SAMHD1: variants seen among roughly 807,000 people sequenced by gnomAD.
SAMHD1 encodes deoxynucleoside triphosphate triphosphohydrolase SAMHD1.
SAMHD1 carries 54 observed loss-of-function variants against 79.6 expected under a neutral mutation model. The observed-to-expected ratio is 0.68, with a 90% CI of 0.55 to 0.85. The LOEUF (loss-of-function observed/expected upper bound fraction) is 0.85, where lower values mean the gene tolerates loss of function less well. Ranked by LOEUF, SAMHD1 falls within the 40% of genes least tolerant of loss-of-function variation. SAMHD1 has a pLI of 0.00. For missense variants in SAMHD1, 663 were observed against 782.7 expected, an observed-to-expected ratio of 0.85 and a Z score of 1.82; for synonymous variants, 260 against 264.1, an observed-to-expected ratio of 0.98 and a Z score of 0.15.
At chr20:36,949,755 C>CAAAAA (rs34682795) in intron 1 of SAMHD1, among the ~76,000 whole-genome samples, 6 of 69,818 alleles carry the variant, frequency 8.6e-5, no homozygotes, top group Admixed American at 1.9e-4. Context: ...GACTCTGTCT[C>CAAAAA]AAAAAAAAAA....
chr20:36,942,723 T>C (rs944939698), intron 2 of SAMHD1, among the ~76,000 whole-genome samples: 2 of 151,996 alleles, frequency 1.3e-5, no homozygotes, highest in African/African-American at 4.8e-5. Context: ...CTCGGCTCAC[T>C]GCAAGCTCCA....
rs774247016 is a variant in SAMHD1 at position 36,951,491 on chromosome 20, G to A, written c.153C>T (p.Cys51=). ...CAAAGCCACCGCGCCTGAGGAAGGA[G>A]CACACCTGCTCCGGACCCCATGTCT... ...DYKTWGPEQV[C]SFLRRGGFEE... The change falls in exon 1 of 16, where the codon TGC becomes TGT. Residue 51 remains cysteine, a synonymous_variant. Coordinates refer to ENST00000646673, the MANE Select transcript of SAMHD1 (RefSeq NM_015474.4). The A allele has an allele frequency of 5.0e-6, 8 of 1,614,154 alleles. No homozygotes were observed. In the South Asian group the frequency reaches 8.8e-5, roughly 18 times the overall value.
At chr20:36,904,335 C>T (rs1304645688) in intron 12 of SAMHD1, 86 bp from the exon 13 acceptor site, 4 of 890,400 alleles carry the variant, frequency 4.5e-6, no homozygotes, top group Admixed American at 1.7e-5. Flanking sequence ...GAAAATGGCA[C>T]CTAACTAAGA....
chr20:36,931,188 G>C, intron 4 of SAMHD1: 1 of 383,122 alleles, frequency 2.6e-6, no homozygotes, highest in Non-Finnish European at 5.0e-6. Context: ...ATGATGTGAA[G>C]AAGTTGGAAG....
intron 4 of SAMHD1, among the ~76,000 whole-genome samples, chr20:36,932,454 GTTT>G (rs752535431): frequency 3.2e-5 from 3 of 93,282 alleles, no homozygotes; most frequent in Admixed American, 1.4e-4. Flanking sequence ...ACAGTTTCGT[GTTT>G]TTTTTTTTTT....
At chr20:36,918,099 C>G (rs1021779710) in intron 7 of SAMHD1, among the ~76,000 whole-genome samples, 1 of 151,630 alleles carries the variant, frequency 6.6e-6, no homozygotes, top group Non-Finnish European at 1.5e-5. Context: ...ATCACTGCAG[C>G]CTGCCTCAGC....
intron 2 of SAMHD1, 74 bp downstream of exon 2, chr20:36,946,664 G>T (rs970268930): frequency 9.0e-7 from 1 of 1,113,444 alleles, no homozygotes; most frequent in Non-Finnish European, 1.3e-6. Flanking sequence ...TTATATCAGA[G>T]ATTTTGGGCT....
At chr20:36,901,851 CAT>C (rs1990312493) in intron 13 of SAMHD1, among the ~76,000 whole-genome samples, 1 of 152,316 alleles carries the variant, frequency 6.6e-6, no homozygotes, top group Admixed American at 6.5e-5. Context: ...TGGAAAGGGA[CAT>C]CACTGACCAA....
At chr20:36,905,694 G>C (rs2063400857) in intron 11 of SAMHD1, among the ~76,000 whole-genome samples, 191 bp from the exon 12 acceptor site, 1 of 152,194 alleles carries the variant, frequency 6.6e-6, no homozygotes. Context: ...CAGTCGGCCA[G>C]TCATAGTGGC....
rs1216292694 is a variant in SAMHD1, at chr20:36,925,155, CA to C, written c.696+2026del. On this transcript the variant is annotated intron_variant, in intron 6 of 15. Coordinates refer to ENST00000646673, the MANE Select transcript of SAMHD1 (RefSeq NM_015474.4). ...TGGGCAACAGAGTGAGACTCCATCT[CA>C]AAAAAAAAAAAAAAGAAAAAAAAAG... is the stretch of plus-strand genomic sequence containing the variant. Among the ~76,000 whole-genome samples, 194 of 66,126 alleles carry C rather than the reference CA, an allele frequency of 2.9e-3. 1 individual carries two copies. Among genetic ancestry groups the C allele is most frequent in the African/African-American group, 3.8e-3 (66 of 17,194 alleles). 43.4% of individuals were successfully genotyped at this position (66,126 alleles called of 152,430 possible).
In SAMHD1 at chr20:36,946,655, T is replaced by C. The variant is rs77092661; in HGVS notation, c.275+83A>G. 2.1e-3 allele frequency: 2,092 copies of C among 992,320 alleles called. 19 individuals carry two copies. Among genetic ancestry groups the C allele is most frequent in the African/African-American group, 0.02 (1,272 of 62,488 alleles). The allele number at this position is 992,320 out of a possible 1,614,324, so 61.5% of individuals were successfully genotyped here. A position where few individuals can be genotyped will look rare whatever the true frequency, so the allele number is the denominator to read the frequency against. On this transcript the variant is annotated intron_variant, in intron 2 of 15. Coordinates refer to ENST00000646673, the MANE Select transcript of SAMHD1 (RefSeq NM_015474.4). ...TCATAGATTTAAAATGAGGACAGTTTATATCAGAGATTTTGGGCTTTGTCC... is the reference window on the plus strand; with the variant it reads ...TCATAGATTTAAAATGAGGACAGTTCATATCAGAGATTTTGGGCTTTGTCC...
intron 13 of SAMHD1, among the ~76,000 whole-genome samples, chr20:36,902,316 G>C (rs1990320456): frequency 6.6e-6 from 1 of 152,244 alleles, no homozygotes; most frequent in Admixed American, 6.6e-5. Flanking sequence ...TTGAGTAGCT[G>C]AGATTATCAG....
intron 15 of SAMHD1, 71 bp downstream of exon 15, chr20:36,897,751 G>T: frequency 1.3e-6 from 2 of 1,562,842 alleles, no homozygotes; most frequent in Non-Finnish European, 1.8e-6. Flanking sequence ...CTTTTCAGCA[G>T]ATAGACTTAC....
chr20:36,890,414 C>CTTTCTTTCTTTCTTTCTTTCTT lies in SAMHD1; in HGVS notation c.*2517_*2518insAAGAAAGAAAGAAAGAAAGAAA, dbSNP rs1555830169. Reference sequence around the variant, plus strand: ...TTTCTTTCTCTTTCTTTCTTTCTTTCTTTCTTTTCTTTCTCTCTTTCCTTC... The same window carrying CTTTCTTTCTTTCTTTCTTTCTT: ...TTTCTTTCTCTTTCTTTCTTTCTTTCTTTCTTTCTTTCTTTCTTTCTTTTTCTTTTCTTTCTCTCTTTCCTTC... On this transcript the variant is annotated 3_prime_UTR_variant, in exon 16 of 16. Transcript: ENST00000646673. 1 of 149,990 alleles carries CTTTCTTTCTTTCTTTCTTTCTT rather than the reference C, an allele frequency of 6.7e-6. No homozygotes were observed. Among genetic ancestry groups the CTTTCTTTCTTTCTTTCTTTCTT allele is most frequent in the Non-Finnish European group, 1.5e-5 (1 of 67,660 alleles). 9.3% of individuals were successfully genotyped at this position (149,990 alleles called of 1,614,324 possible).
intron 13 of SAMHD1, 84 bp from the exon 14 acceptor site, chr20:36,898,628 C>G (rs1407283067): frequency 1.8e-6 from 2 of 1,094,616 alleles, no homozygotes; most frequent in Non-Finnish European, 2.8e-6. Context: ...AGAAATGGAA[C>G]AGAGGCCGGG....
intron 7 of SAMHD1, 147 bp downstream of exon 7, chr20:36,919,217 T>C (rs1330986994): frequency 2.7e-6 from 2 of 728,220 alleles, no homozygotes; most frequent in African/African-American, 3.6e-5. Flanking sequence ...TATAAGCCTT[T>C]TATTTTTTGC....
In SAMHD1 at chr20:36,935,278, C is replaced by T. The variant is rs539880170; in HGVS notation, c.349-89G>A. On this transcript the variant is annotated intron_variant, in intron 3 of 15. Coordinates refer to ENST00000646673, the MANE Select transcript of SAMHD1 (RefSeq NM_015474.4). ...GCCATTCCTAATTATAGTGCAAAGT[C>T]AAAGCTATTTGATTTTTCAAGTAAA... 889 of 1,051,768 alleles carry T rather than the reference C, an allele frequency of 8.5e-4. 3 individuals are homozygous for T. Among genetic ancestry groups the T allele is most frequent in the South Asian group, 5.9e-3 (445 of 75,858 alleles). 65.2% of individuals were successfully genotyped at this position (1,051,768 alleles called of 1,614,324 possible).
intron 11 of SAMHD1, among the ~76,000 whole-genome samples, chr20:36,906,004 T>C (rs2063403323): frequency 6.6e-6 from 1 of 152,090 alleles, no homozygotes; most frequent in South Asian, 2.1e-4. Flanking sequence ...GTCAATGTCT[T>C]GGATTTACTT....
At chr20:36,923,761 C>T (rs2146124172) in intron 6 of SAMHD1, among the ~76,000 whole-genome samples, 1 of 151,958 alleles carries the variant, frequency 6.6e-6, no homozygotes, top group East Asian at 1.9e-4. Flanking sequence ...CCAGCCTGGG[C>T]AACATAGTAA....
Sources: gnomAD v4.1 joint callset for allele counts (sites outside exome capture counted in the v4.1 genomes callset) on GRCh38, gnomAD v4.1.1 for gene constraint, MANE v1.5 for transcripts, NCBI Gene and HGNC (gene_info 2026-07-23, HGNC 2026-07-21) for gene names.